The following COLEC12 variants were observed in gnomAD, a reference collection of about 807,000 sequenced individuals.
COLEC12 encodes the protein collectin-12.
Under a neutral mutation model 71.1 loss-of-function variants are expected in COLEC12, and 33 were observed. The ratio of observed to expected loss-of-function variants is 0.46; its 90% CI spans 0.35 to 0.62. The LOEUF is 0.62. Ranked by LOEUF, COLEC12 falls within the 20% of genes least tolerant of loss-of-function variation. COLEC12 has a pLI of 0.00. For missense variants in COLEC12, 765 were observed against 916.1 expected, an observed-to-expected ratio of 0.84 and a Z score of 2.13; for synonymous variants, 350 against 353.0, an observed-to-expected ratio of 0.99 and a Z score of 0.10.
chr18:449,368 C>T (rs1171929813), intron 2 of COLEC12, among the ~76,000 whole-genome samples: 1 of 152,188 alleles, frequency 6.6e-6, no homozygotes, highest in Non-Finnish European at 1.5e-5. Flanking sequence ...TGTTTACACT[C>T]TAAACTAGTC....
At chr18:477,939 G>A (rs1050731948) in intron 2 of COLEC12, among the ~76,000 whole-genome samples, 19 of 152,252 alleles carry the variant, frequency 1.2e-4, no homozygotes, top group African/African-American at 4.1e-4. Flanking sequence ...TCCTTCAATG[G>A]TTAAAGTTTA....
intron 3 of COLEC12, 106 bp from the exon 4 acceptor site, chr18:348,269 A>AATGATCTCATATTTTATTTTTCAGTTT: frequency 4.5e-6 from 3 of 670,146 alleles, no homozygotes; most frequent in Non-Finnish European, 2.6e-6. Flanking sequence ...AACAGATTGA[A>AATGATCTCATATTTTATTTTTCAGTTT]CGAAAACAGT....
chr18:480,828 G>T lies in COLEC12; in HGVS notation c.8-71C>A. ...AGAAGCAGAGGGTGGGGCAGGATGCGACCTGCTTCATCGCCCCTGCTTGTC... is the reference window on the plus strand; with the variant it reads ...AGAAGCAGAGGGTGGGGCAGGATGCTACCTGCTTCATCGCCCCTGCTTGTC... On this transcript the variant is annotated intron_variant, in intron 1 of 9. Coordinates refer to ENST00000400256, the MANE Select transcript of COLEC12 (RefSeq NM_130386.3). This position sits in a 1 kb window ranked among gnomAD's most constrained non-coding sequence, Gnocchi z 4.1. 1 of 1,289,994 alleles carries T rather than the reference G, an allele frequency of 7.8e-7. No individual in the cohort carries two copies. Among genetic ancestry groups the T allele is most frequent in the Non-Finnish European group, 1.1e-6 (1 of 884,228 alleles). The allele number at this position is 1,289,994 out of a possible 1,614,324, so 79.9% of individuals were successfully genotyped here.
At chr18:325,299 T>A (rs1913809290) in intron 8 of COLEC12, among the ~76,000 whole-genome samples, 1 of 152,306 alleles carries the variant, frequency 6.6e-6, no homozygotes, top group Non-Finnish European at 1.5e-5. Context: ...GATGCCAAGA[T>A]GAAAGCTGTG....
At chr18:324,237 C>T (rs371981286) in intron 8 of COLEC12, among the ~76,000 whole-genome samples, 4 of 152,010 alleles carry the variant, frequency 2.6e-5, no homozygotes, top group African/African-American at 4.8e-5. Context: ...TAGAACGTAA[C>T]GTGTCAAATA....
At chr18:372,065 G>C (rs754109861) in intron 2 of COLEC12, among the ~76,000 whole-genome samples, 4 of 152,100 alleles carry the variant, frequency 2.6e-5, no homozygotes, top group Admixed American at 6.6e-5. Flanking sequence ...GTGCCTTTGT[G>C]CAGTACCAAC....
chr18:368,692 G>T (rs543226187), intron 2 of COLEC12, among the ~76,000 whole-genome samples: 3 of 149,576 alleles, frequency 2.0e-5, no homozygotes, highest in Non-Finnish European at 3.0e-5. Flanking sequence ...GTGAAACCCC[G>T]TCTCCACTAA....
intron 8 of COLEC12, among the ~76,000 whole-genome samples, chr18:323,181 A>T (rs532691378): frequency 7.9e-5 from 12 of 152,290 alleles, no homozygotes; most frequent in South Asian, 4.1e-4. Context: ...AGCCAAGATC[A>T]TGCCACTGCA....
chr18:325,961 T>G (rs544263915), intron 8 of COLEC12, among the ~76,000 whole-genome samples: 3 of 152,332 alleles, frequency 2.0e-5, no homozygotes, highest in African/African-American at 4.8e-5. Context: ...CCTGGTTTTA[T>G]AGATCCTTTC....
chr18:384,355 T>C (rs528528268), intron 2 of COLEC12, among the ~76,000 whole-genome samples: 124 of 152,124 alleles, frequency 8.2e-4, no homozygotes, highest in Non-Finnish European at 1.6e-3. Flanking sequence ...GGCTGGAGTG[T>C]GACCAGGATA....
intron 2 of COLEC12, among the ~76,000 whole-genome samples, chr18:411,362 A>C (rs1915890518): frequency 6.6e-6 from 1 of 152,216 alleles, no homozygotes; most frequent in Non-Finnish European, 1.5e-5. Flanking sequence ...AAATGCAATG[A>C]AAAATGACAA....
intron 5 of COLEC12, among the ~76,000 whole-genome samples, chr18:339,974 G>A (rs1480657460): frequency 2.6e-5 from 4 of 151,218 alleles, no homozygotes; most frequent in Admixed American, 6.6e-5. Flanking sequence ...GATGATCTCA[G>A]GCTTTGAGGT....
chr18:387,158 T>C (rs2143578321), intron 2 of COLEC12, among the ~76,000 whole-genome samples: 1 of 152,344 alleles, frequency 6.6e-6, no homozygotes, highest in East Asian at 1.9e-4. Flanking sequence ...TCAGCACAGC[T>C]ACCTTTTATT....
rs555982229 is a variant in COLEC12, at chr18:486,642, C to T, written c.8-5885G>A. 5.8e-4 allele frequency among the ~76,000 whole-genome samples: 88 copies of T among 152,270 alleles called. 1 individual carries two copies. The highest frequency in any genetic ancestry group is 1.9e-3 in the African/African-American group (77 of 41,558). On this transcript the variant is annotated intron_variant, in intron 1 of 9. Coordinates refer to ENST00000400256, the MANE Select transcript of COLEC12 (RefSeq NM_130386.3). The stretch of plus-strand genomic sequence containing the variant: ...TTCCACACCATGATGGTGACTGACC[C>T]GTACACTCATGAAACTGAAGCCTGT...
intron 2 of COLEC12, among the ~76,000 whole-genome samples, chr18:470,864 A>G (rs1006257553): frequency 3.3e-5 from 5 of 152,246 alleles, no homozygotes; most frequent in African/African-American, 1.2e-4. Context: ...AAGGTTTGAG[A>G]TCTTACATGT....
intron 2 of COLEC12, among the ~76,000 whole-genome samples, chr18:435,901 A>T (rs1916394363): frequency 6.6e-6 from 1 of 152,178 alleles, no homozygotes; most frequent in Non-Finnish European, 1.5e-5. Flanking sequence ...AGAAATTTGG[A>T]TGGTAAAAGA....
intron 8 of COLEC12, among the ~76,000 whole-genome samples, chr18:328,306 A>C (rs928407168): frequency 1.3e-5 from 2 of 152,194 alleles, no homozygotes; most frequent in Non-Finnish European, 2.9e-5. Context: ...GGAGAGTAAA[A>C]GTGAGTCTGA....
intron 2 of COLEC12, among the ~76,000 whole-genome samples, chr18:463,503 T>C (rs1255439162): frequency 2.0e-5 from 3 of 152,092 alleles, no homozygotes; most frequent in East Asian, 1.9e-4. Context: ...CTCAATGCAA[T>C]GAAAGGTGGC....
chr18:442,656 G>A (rs559802243), intron 2 of COLEC12, among the ~76,000 whole-genome samples: 1 of 152,142 alleles, frequency 6.6e-6, no homozygotes, highest in South Asian at 2.1e-4. Context: ...AATCCTACAG[G>A]CATCTGTCTA....
Sources: gnomAD v4.1 joint callset for allele counts (sites outside exome capture counted in the v4.1 genomes callset) on GRCh38, gnomAD v4.1.1 for gene constraint, Gnocchi (gnomAD v3.1) non-coding constraint, MANE v1.5 for transcripts, NCBI Gene and HGNC (gene_info 2026-07-23, HGNC 2026-07-21) for gene names.